The following GABBR2 variants were observed in gnomAD, a reference collection of about 807,000 sequenced individuals.
The protein encoded by GABBR2 is G-protein coupled receptor 51.
A neutral mutation model predicts 105.6 loss-of-function variants in GABBR2; 23 were observed. That is an observed-to-expected ratio of 0.22 (90% CI 0.16 to 0.31). The LOEUF is 0.31. Ranked by LOEUF, GABBR2 falls within the 10% of genes least tolerant of loss-of-function variation. The pLI is 1.00. For synonymous variants in GABBR2, 478 were observed against 499.7 expected, an observed-to-expected ratio of 0.96 and a Z score of 0.58; for missense variants, 734 against 1,245.5, an observed-to-expected ratio of 0.59 and a Z score of 6.18.
In GABBR2 at chr9:98,289,531, G is replaced by C. The variant is rs1588082086; in HGVS notation, c.*1053C>G. 6.6e-6 allele frequency: 1 copy of C among 152,408 alleles called. No individual in the cohort carries two copies. Among genetic ancestry groups the C allele is most frequent in the Admixed American group, 6.5e-5 (1 of 15,270 alleles). 9.4% of individuals were successfully genotyped at this position (152,408 alleles called of 1,614,324 possible). A position where few individuals can be genotyped will look rare whatever the true frequency, so the allele number is the denominator to read the frequency against. On this transcript the variant is annotated 3_prime_UTR_variant, in exon 19 of 19. Coordinates refer to ENST00000259455, the MANE Select transcript of GABBR2 (RefSeq NM_005458.8). The stretch of plus-strand genomic sequence containing the variant: ...TGTCTGGATGGAAGGCTGCCTTCTG[G>C]AAGCCAAGGGAAGCCCTCAGCCAGC...
In GABBR2 at chr9:98,318,891, TTG is replaced by T. The variant is rs111952099; in HGVS notation, c.1894-7688_1894-7687del. Among the ~76,000 whole-genome samples, 705 of 148,064 alleles carry T rather than the reference TTG, an allele frequency of 4.8e-3. 2 individuals are homozygous for T. Among genetic ancestry groups the T allele is most frequent in the Middle Eastern group, 0.021 (6 of 286 alleles). ...TGTAGGTGTGCATGTAAATGTGAGT[TTG>T]TGTGTGTGTGTGTGTGTGTGTTGGG... On this transcript the variant is annotated intron_variant, in intron 13 of 18. Transcript: ENST00000259455.
At chr9:98,309,613 G>A (rs1158069849) in intron 14 of GABBR2, among the ~76,000 whole-genome samples, 1 of 152,198 alleles carries the variant, frequency 6.6e-6, no homozygotes, top group African/African-American at 2.4e-5. Context: ...TCAGGTCTGT[G>A]CCACCCATTG....
intron 1 of GABBR2, among the ~76,000 whole-genome samples, chr9:98,605,977 A>C (rs1263706822): frequency 6.7e-6 from 1 of 150,274 alleles, no homozygotes; most frequent in Non-Finnish European, 1.5e-5. Context: ...TCCTGTGTCC[A>C]AGCATTCTCA....
At chr9:98,380,809 C>G (rs1831960084) in intron 11 of GABBR2, among the ~76,000 whole-genome samples, 1 of 152,204 alleles carries the variant, frequency 6.6e-6, no homozygotes, top group Non-Finnish European at 1.5e-5. Context: ...CGCACCCACC[C>G]TCGTCCGAGC....
In GABBR2 at chr9:98,290,694, A is replaced by T. The variant is rs776054569; in HGVS notation, c.2716T>A (p.Ser906Thr). 7 of 1,483,392 alleles carry T rather than the reference A, an allele frequency of 4.7e-6. No homozygotes were observed. The South Asian group carries it at 1.0e-4, about 22-fold the overall frequency. 91.9% of individuals were successfully genotyped at this position (1,483,392 alleles called of 1,614,324 possible). A position where few individuals can be genotyped will look rare whatever the true frequency, so the allele number is the denominator to read the frequency against. The change falls in exon 19 of 19, where the codon TCC becomes ACC. Residue 906 changes from serine (S) to threonine (T), a missense_variant. Transcript: ENST00000259455. ...LPILHHAYLP[S>T]IGGVDASCVS... ...CAGCTGGCGTCCACGCCTCCGATGG[A>T]TGGGAGGTAGGCGTGGTGGAGGATG...
Position 98,702,508 on chromosome 9 carries a change from C to T in GABBR2, c.321+5909G>A, listed in dbSNP as rs141367496. 2.1e-3 allele frequency among the ~76,000 whole-genome samples: 314 copies of T among 152,332 alleles called. 1 individual carries two copies. The highest frequency in any genetic ancestry group is 7.3e-3 in the African/African-American group (304 of 41,576). ...GCCTTGATAGGATCACACCCATGTT[C>T]AAAGACATCGCACGGCTCCTTGCAG... On this transcript the variant is annotated intron_variant, in intron 1 of 18. Coordinates refer to ENST00000259455, the MANE Select transcript of GABBR2 (RefSeq NM_005458.8).
In GABBR2 at chr9:98,600,000, G is replaced by T. The variant is rs528320632; in HGVS notation, c.322-21928C>A. On this transcript the variant is annotated intron_variant, in intron 1 of 18. Coordinates refer to ENST00000259455, the MANE Select transcript of GABBR2 (RefSeq NM_005458.8). ...GAATGCGAAGAGTCAATTAAGAAAG[G>T]GGCAGGCACGCGCTGGCTAATTGCT... 2.0e-5 allele frequency among the ~76,000 whole-genome samples: 3 copies of T among 152,286 alleles called. No individual in the cohort carries two copies. The South Asian group carries it at 6.2e-4, about 32-fold the overall frequency.
intron 13 of GABBR2, among the ~76,000 whole-genome samples, chr9:98,356,316 C>A (rs549706060): frequency 3.9e-4 from 60 of 152,176 alleles, no homozygotes; most frequent in Middle Eastern, 3.4e-3. Flanking sequence ...ATACAAGGAC[C>A]TCTTAAAATT....
intron 2 of GABBR2, among the ~76,000 whole-genome samples, chr9:98,544,284 T>C (rs531591506): frequency 1.5e-3 from 233 of 152,272 alleles, no homozygotes; most frequent in Non-Finnish European, 2.7e-3. Flanking sequence ...TACAAAAGTT[T>C]GTGGGGGGCA....
chr9:98,560,848 T>C (rs1421203607), intron 2 of GABBR2, among the ~76,000 whole-genome samples: 1 of 150,744 alleles, frequency 6.6e-6, no homozygotes, highest in Non-Finnish European at 1.5e-5. Flanking sequence ...AATGATGTTT[T>C]TGAAGCATTT....
At chr9:98,494,004 G>A (rs1827227128) in intron 4 of GABBR2, among the ~76,000 whole-genome samples, 1 of 152,168 alleles carries the variant, frequency 6.6e-6, no homozygotes, top group African/African-American at 2.4e-5. Flanking sequence ...ACTAGAATAG[G>A]GGAGGCTCTT....
rs773124818 is a variant in GABBR2, at chr9:98,362,726, A to G, written c.1882T>C (p.Tyr628His). The change falls in exon 13 of 19, where the codon TAC becomes CAC. Residue 628 changes from tyrosine to histidine, a missense_variant. Coordinates refer to ENST00000259455, the MANE Select transcript of GABBR2 (RefSeq NM_005458.8). Reference protein sequence around the residue: ...VDPLRRTVEKYSMEPDPAGRD... With the variant: ...VDPLRRTVEKHSMEPDPAGRD... ...CATGGAGGGCTTACCTCCATGCTGTACTTCTCCACTGTCCTTCGCAGGGGG... is the reference window on the plus strand; with the variant it reads ...CATGGAGGGCTTACCTCCATGCTGTGCTTCTCCACTGTCCTTCGCAGGGGG... 1 of 1,587,662 alleles carries G rather than the reference A, an allele frequency of 6.3e-7. No homozygotes were observed. The highest frequency in any genetic ancestry group is 8.6e-7 in the Non-Finnish European group (1 of 1,169,088).
chr9:98,426,127 T>C (rs1052963960), intron 7 of GABBR2, among the ~76,000 whole-genome samples: 2 of 152,094 alleles, frequency 1.3e-5, no homozygotes, highest in African/African-American at 4.8e-5. Context: ...GGCTAAGAAG[T>C]GTAGACACTT....
rs952167584 is a variant in GABBR2 at position 98,289,527 on chromosome 9, T to A, written c.*1057A>T. ...GGCTTGTCTGGATGGAAGGCTGCCT[T>A]CTGGAAGCCAAGGGAAGCCCTCAGC... On this transcript the variant is annotated 3_prime_UTR_variant, in exon 19 of 19. Coordinates refer to ENST00000259455, the MANE Select transcript of GABBR2 (RefSeq NM_005458.8). 1 of 152,420 alleles carries A rather than the reference T, an allele frequency of 6.6e-6. No homozygotes were observed. Among genetic ancestry groups the A allele is most frequent in the South Asian group, 2.1e-4 (1 of 4,820 alleles). 9.4% of individuals were successfully genotyped at this position (152,420 alleles called of 1,614,324 possible).
intron 13 of GABBR2, among the ~76,000 whole-genome samples, chr9:98,331,984 C>A (rs772187626): frequency 1.3e-5 from 2 of 152,212 alleles, no homozygotes; most frequent in Non-Finnish European, 2.9e-5. Context: ...GAGATAACAA[C>A]AGTCCAGCCC....
At chr9:98,333,901 G>A (rs961517266) in intron 13 of GABBR2, among the ~76,000 whole-genome samples, 2 of 152,156 alleles carry the variant, frequency 1.3e-5, no homozygotes, top group African/African-American at 2.4e-5. Flanking sequence ...ACCCCTCTGT[G>A]CCTCAGTTTC....
intron 1 of GABBR2, among the ~76,000 whole-genome samples, chr9:98,658,064 G>A (rs761331142): frequency 3.3e-5 from 5 of 152,226 alleles, no homozygotes; most frequent in Non-Finnish European, 7.3e-5. Flanking sequence ...TTGCTAAGCA[G>A]CATGCTAAAT....
rs1486826034 is a variant in GABBR2 at position 98,401,122 on chromosome 9, GA to G, written c.1297+4958del. Among the ~76,000 whole-genome samples, 4 of 152,262 alleles carry G rather than the reference GA, an allele frequency of 2.6e-5. No homozygotes were observed. The East Asian group carries it at 7.7e-4, about 29-fold the overall frequency. ...ATGACCCTTCTCTGTGCCAGTCCCC[GA>G]GACAGGAACATCACAGCCTCACATC... On this transcript the variant is annotated intron_variant, in intron 8 of 18. Transcript: ENST00000259455.
chr9:98,576,585 C>A (rs1049225838), intron 2 of GABBR2, among the ~76,000 whole-genome samples: 2 of 152,138 alleles, frequency 1.3e-5, no homozygotes, highest in African/African-American at 4.8e-5. Flanking sequence ...AGCTGTGAGT[C>A]CTTGTGCAAG....
Sources: allele counts gnomAD v4.1 joint callset (sites outside exome capture counted in the v4.1 genomes callset), GRCh38; gene constraint gnomAD v4.1.1; transcripts MANE v1.5; gene names NCBI Gene and HGNC (gene_info 2026-07-23, HGNC 2026-07-21).